Variants in KIAA2012 observed in about 807,000 individuals in gnomAD.
The protein encoded by KIAA2012 is uncharacterized protein KIAA2012.
In KIAA2012, 125 loss-of-function variants were observed where a neutral mutation model predicts 150.6. The observed-to-expected ratio is 0.83, with a 90% CI of 0.72 to 0.96. KIAA2012 has a LOEUF of 0.96. Ranked by LOEUF, KIAA2012 falls within the 40% of genes least tolerant of loss-of-function variation. KIAA2012 has a pLI of 0.00. For synonymous variants in KIAA2012, 462 were observed against 504.7 expected, an observed-to-expected ratio of 0.92 and a Z score of 1.13; for missense variants, 1,219 against 1,354.9, an observed-to-expected ratio of 0.90 and a Z score of 1.57.
At chr2:202,197,152 A>T (rs1692431371) in intron 22 of KIAA2012, 133 bp downstream of exon 22, 1 of 1,351,654 alleles carries the variant, frequency 7.4e-7, no homozygotes, top group African/African-American at 1.5e-5. Flanking sequence ...GGAAGACTGA[A>T]AGGCATAGAG....
At chr2:202,154,357 C>G (rs562997646) in intron 13 of KIAA2012, among the ~76,000 whole-genome samples, 1 of 152,326 alleles carries the variant, frequency 6.6e-6, no homozygotes, top group South Asian at 2.1e-4. Flanking sequence ...CCTCCCAGAG[C>G]CTCCTGGTTT....
At chr2:202,082,596 TA>T (rs200520282) in intron 2 of KIAA2012, among the ~76,000 whole-genome samples, 180 of 46,144 alleles carry the variant, frequency 3.9e-3, no homozygotes, top group African/African-American at 0.012. Context: ...AGTCTGTCTT[TA>T]AAAAAAAAAA....
intron 5 of KIAA2012, 118 bp from the exon 6 acceptor site, chr2:202,099,495 C>T (rs1385945144): frequency 3.9e-6 from 3 of 767,244 alleles, no homozygotes; most frequent in Admixed American, 3.3e-5. Context: ...TTCTTCCCAA[C>T]CTGCAAAAGA....
At chr2:202,102,827 C>A in intron 7 of KIAA2012, 119 bp from the exon 8 acceptor site, 1 of 991,760 alleles carries the variant, frequency 1.0e-6, no homozygotes, top group Non-Finnish European at 1.5e-6. Flanking sequence ...GCTGGATTAG[C>A]TTACCTCTCT....
At chr2:202,189,035 T>C (rs956969642) in intron 18 of KIAA2012, among the ~76,000 whole-genome samples, 4 of 152,238 alleles carry the variant, frequency 2.6e-5, no homozygotes, top group African/African-American at 9.6e-5. Context: ...TGACATTTGC[T>C]TGTTCATCTC....
intron 7 of KIAA2012, among the ~76,000 whole-genome samples, chr2:202,100,696 A>T (rs1690020688): frequency 6.6e-6 from 1 of 152,192 alleles, no homozygotes; most frequent in Non-Finnish European, 1.5e-5. Flanking sequence ...TTATTACCAC[A>T]CTCCCTGATA....
chr2:202,143,430 A>T (rs1446623733), intron 13 of KIAA2012, among the ~76,000 whole-genome samples: 1 of 144,312 alleles, frequency 6.9e-6, no homozygotes, highest in African/African-American at 2.6e-5. Flanking sequence ...GTCAACTATG[A>T]CTGCAACTAT....
chr2:202,119,708 A>G (rs1272192877), intron 11 of KIAA2012, among the ~76,000 whole-genome samples: 2 of 152,176 alleles, frequency 1.3e-5, no homozygotes, highest in Admixed American at 6.5e-5. Context: ...TGTGACAATT[A>G]GAAAACCTGC....
chr2:202,138,326 T>C, intron 12 of KIAA2012, 106 bp from the exon 13 acceptor site: 1 of 797,124 alleles, frequency 1.3e-6, no homozygotes, highest in East Asian at 2.7e-5. Context: ...CTTATAATCT[T>C]ACATACATAT....
chr2:202,088,505 C>T (rs1689634892), intron 2 of KIAA2012, among the ~76,000 whole-genome samples: 1 of 152,162 alleles, frequency 6.6e-6, no homozygotes, highest in African/African-American at 2.4e-5. Context: ...TCAAGCAAAG[C>T]CTCTGCTCAG....
At chr2:202,101,533 G>A (rs1690044547) in intron 7 of KIAA2012, among the ~76,000 whole-genome samples, 1 of 152,164 alleles carries the variant, frequency 6.6e-6, no homozygotes, top group Admixed American at 6.5e-5. Context: ...CCATGTATAT[G>A]GTTTCACAGA....
chr2:202,150,035 C>G (rs939527263), intron 13 of KIAA2012, among the ~76,000 whole-genome samples: 1 of 152,194 alleles, frequency 6.6e-6, no homozygotes, highest in Non-Finnish European at 1.5e-5. Context: ...ACCAATAGCT[C>G]TCCCTTTTTT....
rs572251481 is a variant in KIAA2012, at chr2:202,074,923, T to A, written c.117T>A (p.Tyr39Ter). 4 of 1,550,654 alleles carry A rather than the reference T, an allele frequency of 2.6e-6. No homozygotes were observed. The highest frequency in any genetic ancestry group is 3.5e-6 in the Non-Finnish European group (4 of 1,146,968). ...DYLNWRSPED[Y>*]VPVSKPQDKN... ...TGAACTGGAGGTCCCCAGAAGACTATGTTCCTGTCAGCAAACCTCAAGATA... is the reference window on the plus strand; with the variant it reads ...TGAACTGGAGGTCCCCAGAAGACTAAGTTCCTGTCAGCAAACCTCAAGATA... Residue 39 changes from tyrosine (Y) to a stop codon, truncating the protein, a stop_gained, in exon 2 of 24, where the codon TAT becomes TAA. Coordinates refer to ENST00000498697, the MANE Select transcript of KIAA2012 (RefSeq NM_001277372.4). LOFTEE classifies it high-confidence loss of function.
chr2:202,201,936 C>G, intron 22 of KIAA2012: 1 of 775,500 alleles, frequency 1.3e-6, no homozygotes, highest in Non-Finnish European at 2.2e-6. Context: ...TTATCTTTTC[C>G]GTCCTCTTCC....
Position 202,100,398 on chromosome 2 carries a change from A to T in KIAA2012, c.1104A>T (p.Ala368=), listed in dbSNP as rs1036538129. ...PAERSLFPPV[A]SATGSRIITP... is the part of the protein sequence containing the mutation. ...AAAGAAGCCTCTTCCCTCCTGTAGCATCTGCCACTGGCTCCAGAATAATCA... is the reference window on the plus strand; with the variant it reads ...AAAGAAGCCTCTTCCCTCCTGTAGCTTCTGCCACTGGCTCCAGAATAATCA... Residue 368 remains alanine, a synonymous_variant, in exon 7 of 24, where the codon GCA becomes GCT. Coordinates refer to ENST00000498697, the MANE Select transcript of KIAA2012 (RefSeq NM_001277372.4). 2.6e-6 allele frequency: 4 copies of T among 1,550,624 alleles called. No homozygotes were observed. Among genetic ancestry groups the T allele is most frequent in the Non-Finnish European group, 8.7e-7 (1 of 1,146,996 alleles).
chr2:202,100,643 G>T (rs562155989), intron 7 of KIAA2012, among the ~76,000 whole-genome samples, 194 bp downstream of exon 7: 55 of 152,332 alleles, frequency 3.6e-4, no homozygotes, highest in South Asian at 8.3e-4. Context: ...ATCACGAAGT[G>T]CAAGGAATTT....
chr2:202,183,828 T>C (rs796570557), intron 15 of KIAA2012, among the ~76,000 whole-genome samples: 12 of 152,308 alleles, frequency 7.9e-5, no homozygotes, highest in African/African-American at 2.6e-4. Flanking sequence ...TGCTTTTCAA[T>C]GTTATAACCT....
intron 22 of KIAA2012, among the ~76,000 whole-genome samples, chr2:202,198,724 G>C (rs933272298): frequency 6.6e-6 from 1 of 152,160 alleles, no homozygotes; most frequent in South Asian, 2.1e-4. Flanking sequence ...GAAGGGTAAA[G>C]AGGCACAACC....
Position 202,163,660 on chromosome 2 carries a change from TC to T in KIAA2012, c.2047-1622del, listed in dbSNP as rs1275674687. The stretch of plus-strand genomic sequence containing the variant: ...TGATCCTTCTTGGCATTAAAATTCT[TC>T]CAAAAGAAGAAGCTTGACTCTCCCT... On this transcript the variant is annotated intron_variant, in intron 14 of 23. Transcript: ENST00000498697. 1.1e-4 allele frequency among the ~76,000 whole-genome samples: 16 copies of T among 152,264 alleles called. No homozygotes were observed. In the East Asian group the frequency reaches 3.1e-3, roughly 29 times the overall value.
Sources: allele counts gnomAD v4.1 joint callset (sites outside exome capture counted in the v4.1 genomes callset), GRCh38; gene constraint gnomAD v4.1.1; transcripts MANE v1.5; gene names NCBI Gene and HGNC (gene_info 2026-07-23, HGNC 2026-07-21).